The following USH2A variants were observed in gnomAD, a reference collection of about 807,000 sequenced individuals.
The protein encoded by USH2A is Usher syndrome 2A (autosomal recessive, mild).
In USH2A, 443 loss-of-function variants were observed where a neutral mutation model predicts 538.9. The ratio of observed to expected loss-of-function variants is 0.82; its 90% CI spans 0.76 to 0.89. The LOEUF is 0.89. USH2A is among the 40% of genes least tolerant of loss of function. The pLI, the probability that USH2A is intolerant of heterozygous loss-of-function variation, is 0.00. For missense variants in USH2A, 6,633 were observed against 6,324.8 expected, an observed-to-expected ratio of 1.05 and a Z score of -1.65; for synonymous variants, 2,413 against 2,273.5, an observed-to-expected ratio of 1.06 and a Z score of -1.75.
Position 215,859,895 on chromosome 1 carries a change from C to T in USH2A, c.8845+7112G>A, listed in dbSNP as rs1279195599. On this transcript the variant is annotated intron_variant, in intron 44 of 71. Coordinates refer to ENST00000307340, the MANE Select transcript of USH2A (RefSeq NM_206933.4). ...TCACCACCAAACCTCATGTGACCTCCAGTGTACTAGTTTTGGAAGATGAGG... is the reference window on the plus strand; with the variant it reads ...TCACCACCAAACCTCATGTGACCTCTAGTGTACTAGTTTTGGAAGATGAGG... Among the ~76,000 whole-genome samples, 3 of 152,176 alleles carry T rather than the reference C, an allele frequency of 2.0e-5. No homozygotes were observed. In the South Asian group the frequency reaches 6.2e-4, roughly 32 times the overall value.
intron 4 of USH2A, among the ~76,000 whole-genome samples, chr1:216,356,606 AAC>A (rs1314703316): frequency 6.6e-6 from 1 of 152,064 alleles, no homozygotes; most frequent in Non-Finnish European, 1.5e-5. Context: ...TTCATGTAAT[AAC>A]ACATCATGAA....
Position 215,773,484 on chromosome 1 carries a change from GTCTC to G in USH2A, c.10939+6355_10939+6358del, listed in dbSNP as rs756571165. ...CTCCCCACTTTACGGATGTCTCTCT[GTCTC>G]TCTGTCTCTCTCTCTCTCTCTCTGT... On this transcript the variant is annotated intron_variant, in intron 55 of 71. Coordinates refer to ENST00000307340, the MANE Select transcript of USH2A (RefSeq NM_206933.4). Among the ~76,000 whole-genome samples the G allele has an allele frequency of 9.0e-3, 1,013 of 112,238 alleles. 12 individuals are homozygous for G. The highest frequency in any genetic ancestry group is 0.038 in the African/African-American group (847 of 22,358). 73.6% of individuals were successfully genotyped at this position (112,238 alleles called of 152,430 possible).
At chr1:216,320,031 C>T (rs1322794862) in intron 9 of USH2A, among the ~76,000 whole-genome samples, 2 of 152,042 alleles carry the variant, frequency 1.3e-5, no homozygotes, top group Non-Finnish European at 2.9e-5. Context: ...CATATAAGCC[C>T]ATATTTATGT....
chr1:215,995,180 T>C (rs982468596), intron 34 of USH2A, among the ~76,000 whole-genome samples: 36 of 152,136 alleles, frequency 2.4e-4, no homozygotes, highest in Non-Finnish European at 4.4e-5. Context: ...TGAATTAAAA[T>C]TTACTTTGAG....
chr1:215,932,224 A>C (rs1666382043), intron 38 of USH2A, among the ~76,000 whole-genome samples: 1 of 152,014 alleles, frequency 6.6e-6, no homozygotes, highest in Non-Finnish European at 1.5e-5. Context: ...ACTATAATGG[A>C]AAAGTAAATA....
intron 38 of USH2A, among the ~76,000 whole-genome samples, chr1:215,912,582 C>T (rs1032727669): frequency 8.0e-5 from 12 of 150,570 alleles, no homozygotes; most frequent in Admixed American, 2.0e-4. Context: ...GTGAACTAGT[C>T]ACACAATGGA....
At chr1:216,181,840 C>T (rs2102647240) in intron 20 of USH2A, among the ~76,000 whole-genome samples, 1 of 152,208 alleles carries the variant, frequency 6.6e-6, no homozygotes, top group South Asian at 2.1e-4. Context: ...AAGTCTCCTG[C>T]AGCACAAATA....
rs1277854797 is a variant in USH2A at position 215,623,466 on chromosome 1, G to A, written c.*2315C>T. 2.0e-5 allele frequency: 3 copies of A among 151,242 alleles called. No individual in the cohort carries two copies. The highest frequency in any genetic ancestry group is 4.8e-5 in the African/African-American group (2 of 41,412). 9.4% of individuals were successfully genotyped at this position (151,242 alleles called of 1,614,324 possible). A position where few individuals can be genotyped will look rare whatever the true frequency, so the allele number is the denominator to read the frequency against. ...CTCAGCCACACACCCCAGATCAACC[G>A]AATCAGAATCTCTAGAGGCGAGTCT... On this transcript the variant is annotated 3_prime_UTR_variant, in exon 72 of 72. Coordinates refer to ENST00000307340, the MANE Select transcript of USH2A (RefSeq NM_206933.4).
intron 12 of USH2A, among the ~76,000 whole-genome samples, chr1:216,249,877 T>TGAGA (rs141288052): frequency 1.7e-4 from 25 of 148,582 alleles, no homozygotes; most frequent in Middle Eastern, 3.5e-3. Flanking sequence ...TGTGTGTGTG[T>TGAGA]GAGAGAGAGA....
At chr1:215,776,981 AC>A (rs1414503400) in intron 55 of USH2A, among the ~76,000 whole-genome samples, 1 of 151,786 alleles carries the variant, frequency 6.6e-6, no homozygotes, top group African/African-American at 2.4e-5. Flanking sequence ...CTACAAAGAA[AC>A]CCCTCTTTAG....
At chr1:215,997,376 T>A (rs1668165350) in intron 34 of USH2A, among the ~76,000 whole-genome samples, 1 of 152,138 alleles carries the variant, frequency 6.6e-6, no homozygotes, top group Admixed American at 6.6e-5. Context: ...ATTACTTTTT[T>A]TAGCATCATA....
intron 58 of USH2A, among the ~76,000 whole-genome samples, chr1:215,757,652 C>T (rs976695989): frequency 1.3e-5 from 2 of 152,172 alleles, no homozygotes; most frequent in Non-Finnish European, 2.9e-5. Flanking sequence ...CTCCATATGT[C>T]CTTTCTCACT....
rs750935084 is a variant in USH2A, at chr1:215,634,627, GA to G, written c.15128del (p.Phe5043SerfsTer2). Reference sequence around the variant, plus strand: ...AGCCCAGCATCGCCATTAACACTATGAACCACAGCTCGCTGTAGAACTCTGT... The same window carrying G: ...AGCCCAGCATCGCCATTAACACTATGACCACAGCTCGCTGTAGAACTCTGT... ...KSTEFYSELW[F>X]IVLMAMLGLI... On this transcript the variant is annotated frameshift_variant, in exon 70 of 72. Coordinates refer to ENST00000307340, the MANE Select transcript of USH2A (RefSeq NM_206933.4). LOFTEE classifies it high-confidence loss of function. 5.0e-6 allele frequency: 8 copies of G among 1,614,058 alleles called. No homozygotes were observed. Among genetic ancestry groups the G allele is most frequent in the African/African-American group, 1.3e-5 (1 of 74,926 alleles).
chr1:216,005,152 CACA>C (rs973397356), intron 32 of USH2A, among the ~76,000 whole-genome samples: 5 of 152,128 alleles, frequency 3.3e-5, no homozygotes, highest in African/African-American at 1.2e-4. Context: ...GTTCTTCTAA[CACA>C]ACAAGTTCAC....
chr1:216,004,382 G>A (rs1286899386), intron 32 of USH2A, among the ~76,000 whole-genome samples: 1 of 152,146 alleles, frequency 6.6e-6, no homozygotes, highest in East Asian at 1.9e-4. Flanking sequence ...GACCAGTAAG[G>A]TATGAGGAAA....
rs1201029277 is a variant in USH2A at position 215,743,264 on chromosome 1, A to G, written c.11461T>C (p.Phe3821Leu). The G allele has an allele frequency of 1.2e-6, 2 of 1,611,968 alleles. No individual in the cohort carries two copies. The highest frequency in any genetic ancestry group is 2.2e-5 in the South Asian group (2 of 91,012). Residue 3821 changes from phenylalanine (F) to leucine (L), a missense_variant, in exon 59 of 72, where the codon TTC becomes CTC. Transcript: ENST00000307340. ...GTGGATTGATGATGACCAACGGAGA[A>G]GGCCAGAGGTGTTACACTTCCATCA... ...LNDGSVTPLA[F>L]SVGHHQSTLL...
intron 11 of USH2A, among the ~76,000 whole-genome samples, chr1:216,259,267 A>C (rs2036319188): frequency 6.6e-6 from 1 of 152,086 alleles, no homozygotes; most frequent in African/African-American, 2.4e-5. Context: ...TTAGAAACAT[A>C]CTGGTTGCTG....
At chr1:216,157,887 G>A (rs1425091051) in intron 21 of USH2A, among the ~76,000 whole-genome samples, 1 of 152,002 alleles carries the variant, frequency 6.6e-6, no homozygotes, top group Non-Finnish European at 1.5e-5. Context: ...TAGCCCAAAC[G>A]TTAGCGTCAT....
intron 17 of USH2A, 30 bp from the exon 18 acceptor site, chr1:216,198,614 A>T (rs763762518): frequency 2.7e-5 from 44 of 1,601,096 alleles, no homozygotes; most frequent in Non-Finnish European, 3.4e-5. Context: ...AACCTACGTA[A>T]CTCATCAGAC....
Sources: gnomAD v4.1 joint callset for allele counts (sites outside exome capture counted in the v4.1 genomes callset) on GRCh38, gnomAD v4.1.1 for gene constraint, MANE v1.5 for transcripts, NCBI Gene and HGNC (gene_info 2026-07-23, HGNC 2026-07-21) for gene names.